Variants in TNS3 observed in about 807,000 individuals in gnomAD.
TNS3 encodes the protein tensin-3.
TNS3 carries 45 observed loss-of-function variants against 140.9 expected under a neutral mutation model. The ratio of observed to expected loss-of-function variants is 0.32; its 90% confidence interval spans 0.25 to 0.41. The LOEUF (loss-of-function observed/expected upper bound fraction) is 0.41, where lower values mean the gene tolerates loss of function less well. Among genes scored for constraint, TNS3 ranks in the 10% least tolerant of loss-of-function variants. The probability of loss-of-function intolerance (pLI) is 1.00; values close to 1 mark genes in which losing one functional copy is unlikely to be tolerated. For missense variants in TNS3, 1,716 were observed against 1,906.7 expected (o/e 0.90, Z 1.86); for synonymous variants, 815 against 788.4 (o/e 1.03, Z -0.56).
At chr7:47,355,946 T>A (rs2151060164) in intron 17 of TNS3, among the ~76,000 whole-genome samples, 1 of 152,284 alleles carries the variant, frequency 6.6e-6, no homozygotes, top group African/African-American at 2.4e-5. Flanking sequence ...ACACTTCATG[T>A]CACTGCATTC....
At chr7:47,399,840 T>TA in intron 15 of TNS3, among the ~76,000 whole-genome samples, 1 of 152,036 alleles carries the variant, frequency 6.6e-6, no homozygotes, top group Non-Finnish European at 1.5e-5. Context: ...CGAATTAAAC[T>TA]AAAAATCTTC....
intron 1 of TNS3, among the ~76,000 whole-genome samples, chr7:47,562,963 C>T (rs1439548569): frequency 1.3e-5 from 2 of 152,052 alleles, no homozygotes; most frequent in Non-Finnish European, 2.9e-5. Flanking sequence ...ACAACAACAA[C>T]CGTTGGGAGC....
intron 17 of TNS3, among the ~76,000 whole-genome samples, chr7:47,349,295 GTCCCACC>G (rs1789525932): frequency 6.6e-6 from 1 of 152,176 alleles, no homozygotes; most frequent in African/African-American, 2.4e-5. Context: ...TGTTCTTACT[GTCCCACC>G]TCCGGTGCTT....
At chr7:47,512,963 C>T (rs1257055405) in intron 2 of TNS3, among the ~76,000 whole-genome samples, 1 of 152,008 alleles carries the variant, frequency 6.6e-6, no homozygotes, top group East Asian at 1.9e-4. Flanking sequence ...ACAAACAGGC[C>T]ACAAACAAAC....
rs182634574 is a variant in TNS3, at chr7:47,413,945, G to A, written c.639C>T (p.Ser213=). 1.7e-5 allele frequency: 27 copies of A among 1,613,858 alleles called. No individual in the cohort carries two copies. The African/African-American group carries it at 1.7e-4, about 10-fold the overall frequency. Residue 213 remains serine (S), a synonymous_variant, in exon 12 of 31, where the codon TCC becomes TCT. Coordinates refer to ENST00000311160, the MANE Select transcript of TNS3 (RefSeq NM_022748.12). ...GCAGCAGCAGCACTCACTAGATCCC[G>A]GAGGTGTACACAGGCTGCATGGCTT... ...LYQAMQPVYT[S]GIYNVGPENP... is the part of the protein sequence containing the mutation.
At chr7:47,500,827 C>G (rs1798185307) in intron 3 of TNS3, among the ~76,000 whole-genome samples, 1 of 152,134 alleles carries the variant, frequency 6.6e-6, no homozygotes, top group Non-Finnish European at 1.5e-5. Context: ...ACACTAGAAT[C>G]CCAGCACTCT....
At chr7:47,491,818 A>T (rs117846215) in intron 3 of TNS3, among the ~76,000 whole-genome samples, 113 of 152,192 alleles carry the variant, frequency 7.4e-4, no homozygotes, top group Non-Finnish European at 1.3e-3. Flanking sequence ...GGACGGTGAA[A>T]CCCGAGAGTC....
intron 9 of TNS3, among the ~76,000 whole-genome samples, chr7:47,427,145 A>AC (rs1427489863): frequency 7.0e-6 from 1 of 142,518 alleles, no homozygotes; most frequent in Non-Finnish European, 1.5e-5. Context: ...AAAAAAAAAA[A>AC]CAGAAGTGCT....
At chr7:47,431,725 T>C (rs1422080498) in intron 8 of TNS3, among the ~76,000 whole-genome samples, 3 of 151,990 alleles carry the variant, frequency 2.0e-5, no homozygotes, top group Admixed American at 1.3e-4. Context: ...AGAAAAACAA[T>C]AGAAAAGATC....
chr7:47,406,017 C>T (rs1325608876), intron 13 of TNS3, among the ~76,000 whole-genome samples: 1 of 152,060 alleles, frequency 6.6e-6, no homozygotes, highest in Non-Finnish European at 1.5e-5. Flanking sequence ...CGGATCAGGC[C>T]CCTGGAGCCC....
At position 47,280,371 on chromosome 7, in the gene TNS3, GA is replaced by G. The variant is rs745877640; in HGVS notation, c.4098-18del. 6.2e-7 allele frequency: 1 copy of G among 1,613,640 alleles called. No individual in the cohort carries two copies. The highest frequency in any genetic ancestry group is 1.7e-5 in the Admixed American group (1 of 60,026). ...AAGAAGAGCCTGTTGGGACATGGGG[GA>G]GAGAGGATGGCTCCTGTTACTAGGG... On this transcript the variant is annotated intron_variant, in intron 28 of 30. Transcript: ENST00000311160.
At chr7:47,299,262 T>C (rs1216699486) in intron 23 of TNS3, among the ~76,000 whole-genome samples, 1 of 151,652 alleles carries the variant, frequency 6.6e-6, no homozygotes, top group Non-Finnish European at 1.5e-5. Context: ...CTCAGCTTCC[T>C]GAGTAGCTGG....
intron 20 of TNS3, among the ~76,000 whole-genome samples, chr7:47,324,077 A>T (rs1191899400): frequency 1.3e-5 from 2 of 152,212 alleles, no homozygotes; most frequent in African/African-American, 4.8e-5. Context: ...AGCTCTATTT[A>T]TGAGGCAGCT....
intron 1 of TNS3, among the ~76,000 whole-genome samples, chr7:47,536,905 G>A (rs1321814002): frequency 1.3e-5 from 2 of 152,192 alleles, no homozygotes; most frequent in Non-Finnish European, 2.9e-5. Context: ...AGCACAAGCG[G>A]GTACACACCA....
chr7:47,525,834 G>T (rs1799171226), intron 2 of TNS3, among the ~76,000 whole-genome samples: 2 of 152,186 alleles, frequency 1.3e-5, no homozygotes, highest in South Asian at 4.1e-4. Context: ...CACTCTGGCA[G>T]GCCTCCTCAC....
intron 20 of TNS3, among the ~76,000 whole-genome samples, chr7:47,311,337 T>C (rs564622447): frequency 4.8e-4 from 73 of 152,012 alleles, no homozygotes; most frequent in African/African-American, 1.5e-3. Flanking sequence ...CACACCAACA[T>C]GGCACATGTA....
At chr7:47,565,297 G>C (rs769166841) in intron 1 of TNS3, among the ~76,000 whole-genome samples, 1 of 150,792 alleles carries the variant, frequency 6.6e-6, no homozygotes, top group Non-Finnish European at 1.5e-5. Context: ...GGATGGTCTC[G>C]ATCTCCTGAC....
Position 47,292,802 on chromosome 7 carries a change from C to A in TNS3, c.3850+26G>T, listed in dbSNP as rs768244421. On this transcript the variant is annotated intron_variant, in intron 26 of 30. Transcript: ENST00000311160. ...TTGACTGCAGACAATCTACACAGAG[C>A]CTGACTAGCACTGAGGACCCCTTAC... is the stretch of plus-strand genomic sequence containing the variant. The A allele has an allele frequency of 6.2e-6, 10 of 1,607,422 alleles. No individual in the cohort carries two copies. The South Asian group carries it at 1.1e-4, about 18-fold the overall frequency.
intron 15 of TNS3, among the ~76,000 whole-genome samples, chr7:47,399,095 A>AG (rs1180342864): frequency 6.6e-6 from 1 of 151,532 alleles, no homozygotes; most frequent in Non-Finnish European, 1.5e-5. Flanking sequence ...AAAAAAAAAA[A>AG]AAAAACTAGA....
Sources: allele counts gnomAD v4.1 joint callset (sites outside exome capture counted in the v4.1 genomes callset), GRCh38; gene constraint gnomAD v4.1.1; transcripts MANE v1.5; gene names NCBI Gene and HGNC (gene_info 2026-07-23, HGNC 2026-07-21).